The following TNFRSF8 variants were observed in gnomAD, a reference collection of about 807,000 sequenced individuals.
TNFRSF8 encodes the protein tumor necrosis factor receptor superfamily member 8.
TNFRSF8 carries 26 observed loss-of-function variants against 70.8 expected under a neutral mutation model. The ratio of observed to expected loss-of-function variants is 0.37; its 90% CI spans 0.27 to 0.51. TNFRSF8 has a LOEUF of 0.51. Ranked by LOEUF, TNFRSF8 falls within the 20% of genes least tolerant of loss-of-function variation. The pLI, the probability that TNFRSF8 is intolerant of heterozygous loss-of-function variation, is 0.94. For missense variants in TNFRSF8, 720 were observed against 807.9 expected (o/e 0.89, Z 1.32); for synonymous variants, 356 against 339.2 (o/e 1.05, Z -0.54).
rs11121880 is a variant in TNFRSF8 at position 12,142,897 on chromosome 1, C to T, written c.*366C>T. On this transcript the variant is annotated 3_prime_UTR_variant, in exon 15 of 15. Coordinates refer to ENST00000263932, the MANE Select transcript of TNFRSF8 (RefSeq NM_001243.5). This position sits in a 1 kb window ranked among gnomAD's most constrained non-coding sequence, Gnocchi z 5.0. ...CTTAACCACCAGGCCCACAGCCCAG[C>T]GAGGGAGAGGTCGTGAGGCCAGCTC... The T allele has an allele frequency of 7.4e-3, 1,494 of 200,934 alleles. 25 individuals carry two copies. Among genetic ancestry groups the T allele is most frequent in the African/African-American group, 0.032 (1,390 of 43,096 alleles). The allele number at this position is 200,934 out of a possible 1,614,324, so 12.4% of individuals were successfully genotyped here. A position where few individuals can be genotyped will look rare whatever the true frequency, so the allele number is the denominator to read the frequency against.
chr1:12,092,053 G>A (rs1047097097), intron 2 of TNFRSF8, among the ~76,000 whole-genome samples: 3 of 152,288 alleles, frequency 2.0e-5, no homozygotes, highest in Non-Finnish European at 2.9e-5. Context: ...CTGGTCCCCG[G>A]CTGGGGACTG....
intron 7 of TNFRSF8, among the ~76,000 whole-genome samples, chr1:12,114,723 T>TA (rs70987238): frequency 8.3e-6 from 1 of 121,124 alleles, no homozygotes; most frequent in Non-Finnish European, 1.6e-5. Context: ...TTTTTTTTTT[T>TA]AAATAGACAG....
intron 4 of TNFRSF8, among the ~76,000 whole-genome samples, chr1:12,106,902 C>T (rs1293877297): frequency 1.3e-5 from 2 of 152,334 alleles, no homozygotes; most frequent in Middle Eastern, 3.4e-3. Flanking sequence ...CCAAAAGTTT[C>T]CAGCTCAGAA....
chr1:12,115,782 C>T, intron 8 of TNFRSF8, 53 bp downstream of exon 8: 2 of 1,587,402 alleles, frequency 1.3e-6, no homozygotes, highest in Non-Finnish European at 1.7e-6. Flanking sequence ...TGTGCCCCCA[C>T]TGTTGTGCCT....
intron 12 of TNFRSF8, among the ~76,000 whole-genome samples, chr1:12,130,499 G>A (rs988394554): frequency 2.0e-5 from 3 of 152,184 alleles, no homozygotes; most frequent in South Asian, 2.1e-4. Context: ...TTTGCATCTC[G>A]GGGTACCTGT....
At position 12,111,963 on chromosome 1, in the gene TNFRSF8, T is replaced by C; in HGVS notation, c.742T>C (p.Tyr248His). The change falls in exon 7 of 15, where the codon TAC (tyrosine) becomes CAC (histidine). Residue 248 changes from tyrosine to histidine, a missense_variant. Physicochemically the swap from Tyr to His is moderately conservative, Grantham distance 83. Coordinates refer to ENST00000263932, the MANE Select transcript of TNFRSF8 (RefSeq NM_001243.5). Reference protein sequence around the residue: ...GDCRKQCEPDYYLDEAGRCTA... With the variant: ...GDCRKQCEPDHYLDEAGRCTA... ...TTGCAGAAAGCAGTGTGAGCCCGAC[T>C]ACTACCTGGACGAGGCCGGCCGCTG... 6.2e-7 allele frequency: 1 copy of C among 1,614,244 alleles called. No homozygotes were observed. Among genetic ancestry groups the C allele is most frequent in the South Asian group, 1.1e-5 (1 of 91,086 alleles).
intron 2 of TNFRSF8, 76 bp from the exon 3 acceptor site, chr1:12,097,024 TG>T: frequency 9.2e-7 from 1 of 1,087,244 alleles, no homozygotes; most frequent in East Asian, 2.4e-5. Context: ...GCGTCAGGGA[TG>T]AGAGGTGTGG....
intron 3 of TNFRSF8, among the ~76,000 whole-genome samples, chr1:12,098,913 A>G (rs1338135713): frequency 6.6e-6 from 1 of 152,178 alleles, no homozygotes; most frequent in East Asian, 1.9e-4. Flanking sequence ...GTCATAATCT[A>G]TAATGTTTAT....
intron 2 of TNFRSF8, among the ~76,000 whole-genome samples, chr1:12,095,579 C>T (rs529963075): frequency 3.4e-4 from 52 of 152,352 alleles, no homozygotes; most frequent in Non-Finnish European, 6.6e-4. Context: ...TGAGCCACCG[C>T]ACCCGGCCTG....
chr1:12,110,139 C>T lies in TNFRSF8; in HGVS notation c.611C>T (p.Ala204Val), dbSNP rs1641603193. The stretch of plus-strand genomic sequence containing the variant: ...GGGGGCACCCGCCTCGCCCAGGAAG[C>T]TGCTTCTAAACTGACGAGGGCTCCC... ...VRGGTRLAQE[A>V]ASKLTRAPDS... Residue 204 changes from alanine to valine, a missense_variant, in exon 6 of 15, where the codon GCT becomes GTT. By Grantham distance (64) the Ala-to-Val change is moderately conservative. Coordinates refer to ENST00000263932, the MANE Select transcript of TNFRSF8 (RefSeq NM_001243.5). The surrounding 1 kb of genome is among the most constrained non-coding windows in gnomAD (Gnocchi z 4.0). The T allele has an allele frequency of 6.2e-7, 1 of 1,613,576 alleles. No homozygotes were observed. Among genetic ancestry groups the T allele is most frequent in the Admixed American group, 1.7e-5 (1 of 59,918 alleles).
chr1:12,133,738 CAAAAAA>C (rs34040378), intron 12 of TNFRSF8, among the ~76,000 whole-genome samples: 2 of 90,982 alleles, frequency 2.2e-5, no homozygotes, highest in Admixed American at 1.2e-4. Context: ...GACTCCATCT[CAAAAAA>C]AAAAAAAAAA....
intron 1 of TNFRSF8, among the ~76,000 whole-genome samples, chr1:12,078,685 C>T (rs1454709979): frequency 6.6e-6 from 1 of 152,232 alleles, no homozygotes; most frequent in Non-Finnish European, 1.5e-5. Context: ...GAGCACGTGC[C>T]AAATCCTGGC....
intron 4 of TNFRSF8, among the ~76,000 whole-genome samples, chr1:12,106,392 G>A (rs546127828): frequency 6.6e-6 from 1 of 152,218 alleles, no homozygotes; most frequent in South Asian, 2.1e-4. Context: ...GCCTTCCCTG[G>A]CCTCTCACTA....
At chr1:12,107,059 A>G (rs374126237) in intron 4 of TNFRSF8, among the ~76,000 whole-genome samples, 3 of 152,318 alleles carry the variant, frequency 2.0e-5, no homozygotes, top group Non-Finnish European at 1.5e-5. Flanking sequence ...CCAGCTGCCC[A>G]ATGCAGTGCC....
intron 12 of TNFRSF8, among the ~76,000 whole-genome samples, chr1:12,133,717 C>T (rs558118667): frequency 1.6e-5 from 2 of 127,294 alleles, no homozygotes; most frequent in South Asian, 2.5e-4. Flanking sequence ...TTCACCCTGG[C>T]GACAGAGTTA....
chr1:12,108,074 A>ATTTTTTTTTTTT lies in TNFRSF8; in HGVS notation c.422-1485_422-1484insTTTTTTTTTTTT, dbSNP rs199941905. Among the ~76,000 whole-genome samples, 3,525 of 145,134 alleles carry ATTTTTTTTTTTT rather than the reference A, an allele frequency of 0.024. 122 individuals carry two copies. Among genetic ancestry groups the ATTTTTTTTTTTT allele is most frequent in the Non-Finnish European group, 0.038 (2,524 of 65,904 alleles). ...CGAAGTCCCACACATACAGGCCACC[A>ATTTTTTTTTTTT]TTTTTTTATTTTTTTTTTTTTTGTG... On this transcript the variant is annotated intron_variant, in intron 4 of 14. Coordinates refer to ENST00000263932, the MANE Select transcript of TNFRSF8 (RefSeq NM_001243.5). This position sits in a 1 kb window ranked among gnomAD's most constrained non-coding sequence, Gnocchi z 4.0.
chr1:12,127,461 C>A (rs1557602160), intron 12 of TNFRSF8, among the ~76,000 whole-genome samples: 1 of 152,248 alleles, frequency 6.6e-6, no homozygotes, highest in Non-Finnish European at 1.5e-5. Context: ...CCTCTTCCTT[C>A]CCCCTGCCAG....
At chr1:12,121,868 C>T (rs770428672) in intron 8 of TNFRSF8, among the ~76,000 whole-genome samples, 7 of 152,228 alleles carry the variant, frequency 4.6e-5, no homozygotes, top group Non-Finnish European at 1.0e-4. Context: ...AACAGTGGTT[C>T]ATCTGTACAA....
intron 2 of TNFRSF8, 135 bp downstream of exon 2, chr1:12,084,686 T>C (rs991253166): frequency 4.8e-6 from 4 of 830,472 alleles, no homozygotes; most frequent in Non-Finnish European, 7.8e-6. Context: ...CTGCAGGTCA[T>C]TCCTAGTGTC....
Sources: gnomAD v4.1 joint callset for allele counts (sites outside exome capture counted in the v4.1 genomes callset) on GRCh38, gnomAD v4.1.1 for gene constraint, Gnocchi (gnomAD v3.1) non-coding constraint, MANE v1.5 for transcripts, NCBI Gene and HGNC (gene_info 2026-07-23, HGNC 2026-07-21) for gene names.